Variants in SLC12A1 observed in about 807,000 individuals in gnomAD.
SLC12A1 encodes Na-K-2Cl cotransporter.
A neutral mutation model predicts 130.4 loss-of-function variants in SLC12A1; 89 were observed. The observed-to-expected ratio is 0.68, with a 90% CI of 0.58 to 0.81. The LOEUF (loss-of-function observed/expected upper bound fraction) is 0.81. Ranked by LOEUF, SLC12A1 falls within the 40% of genes least tolerant of loss-of-function variation. The probability of loss-of-function intolerance (pLI) is 0.00; values close to 1 mark genes in which losing one functional copy is unlikely to be tolerated. For synonymous variants in SLC12A1, 499 were observed against 460.0 expected (o/e 1.08, Z -1.09); for missense variants, 1,310 against 1,336.4 (o/e 0.98, Z 0.31).
At chr15:48,281,716 T>C (rs2042009614) in intron 20 of SLC12A1, among the ~76,000 whole-genome samples, 1 of 152,198 alleles carries the variant, frequency 6.6e-6, no homozygotes, top group Non-Finnish European at 1.5e-5. Flanking sequence ...TCAAATGAGA[T>C]ACTATGTAGA....
chr15:48,255,827 C>T lies in SLC12A1; in HGVS notation c.1959C>T (p.Ser653=). 1 of 1,606,450 alleles carries T rather than the reference C, an allele frequency of 6.2e-7. No individual in the cohort carries two copies. The highest frequency in any genetic ancestry group is 2.2e-5 in the East Asian group (1 of 44,758). The stretch of plus-strand genomic sequence containing the variant: ...TATCCACAGATGTGAACTGGGGCTC[C>T]TCCACACAGGCTCTTTCCTACGTGA... The part of the protein sequence containing the change: ...TCKKPDVNWG[S]STQALSYVSA... The change falls in exon 16 of 27, where the codon TCC becomes TCT. Residue 653 remains serine, a synonymous_variant. Transcript: ENST00000380993.
chr15:48,285,475 A>G (rs2042047683), intron 21 of SLC12A1, among the ~76,000 whole-genome samples: 2 of 152,230 alleles, frequency 1.3e-5, no homozygotes, highest in Admixed American at 1.3e-4. Flanking sequence ...TATTTTTTAA[A>G]TGTAATATTT....
chr15:48,242,411 G>A (rs1237479986), intron 10 of SLC12A1, among the ~76,000 whole-genome samples: 1 of 152,160 alleles, frequency 6.6e-6, no homozygotes, highest in Non-Finnish European at 1.5e-5. Context: ...GAAGGTACAT[G>A]TACCTACAGT....
At chr15:48,299,356 C>A (rs1022686982) in intron 25 of SLC12A1, 81 bp downstream of exon 25, 3 of 1,209,456 alleles carry the variant, frequency 2.5e-6, no homozygotes, top group East Asian at 2.9e-5. Context: ...GACAAAGAAG[C>A]AATATATTTA....
chr15:48,224,586 G>T (rs758645909), intron 4 of SLC12A1: 4 of 152,214 alleles, frequency 2.6e-5, no homozygotes, highest in Non-Finnish European at 5.9e-5. Flanking sequence ...ATAAGAGCTT[G>T]TCAGCAAAGC....
chr15:48,215,854 G>A (rs139701010), intron 2 of SLC12A1, among the ~76,000 whole-genome samples: 27 of 152,264 alleles, frequency 1.8e-4, no homozygotes, highest in African/African-American at 6.3e-4. Flanking sequence ...TATTCTTATT[G>A]GCAGTATTCA....
intron 19 of SLC12A1, among the ~76,000 whole-genome samples, chr15:48,274,066 C>T (rs184870451): frequency 2.4e-4 from 36 of 152,272 alleles, no homozygotes; most frequent in South Asian, 1.7e-3. Flanking sequence ...AAAAGCATTG[C>T]TCCAAATGAC....
chr15:48,234,612 C>T (rs564591389), intron 8 of SLC12A1, among the ~76,000 whole-genome samples: 23 of 152,018 alleles, frequency 1.5e-4, no homozygotes, highest in Admixed American at 3.9e-4. Flanking sequence ...GGTGTGGTGG[C>T]GGGCGCCTGT....
Position 48,230,458 on chromosome 15 carries a change from G to C in SLC12A1, c.930G>C (p.Val310=). ...DIRIIGSITV[V]ILLGISVAGM... ...GGATTATAGGCTCCATCACAGTGGT[G>C]ATTCTTCTAGGAATTTCAGTAGCTG... is the stretch of plus-strand genomic sequence containing the variant. Residue 310 remains valine (V), a synonymous_variant, in exon 7 of 27, where the codon GTG becomes GTC. Transcript: ENST00000380993. The C allele has an allele frequency of 6.2e-7, 1 of 1,612,934 alleles. No homozygotes were observed. The highest frequency in any genetic ancestry group is 8.5e-7 in the Non-Finnish European group (1 of 1,179,522).
chr15:48,226,688 T>C (rs2041292619), intron 5 of SLC12A1, 117 bp downstream of exon 5: 2 of 700,706 alleles, frequency 2.9e-6, no homozygotes, highest in Non-Finnish European at 2.5e-6. Context: ...AGCCTGGCTA[T>C]TTGGAGGAGC....
chr15:48,233,399 G>A (rs1316173261), intron 8 of SLC12A1, among the ~76,000 whole-genome samples: 3 of 152,228 alleles, frequency 2.0e-5, no homozygotes, highest in Admixed American at 2.0e-4. Context: ...CCACTGCAGA[G>A]CACTAAAGTC....
At chr15:48,249,499 C>T (rs1189797449) in intron 13 of SLC12A1, 76 bp from the exon 14 acceptor site, 2 of 1,086,726 alleles carry the variant, frequency 1.8e-6, no homozygotes, top group Non-Finnish European at 2.8e-6. Flanking sequence ...TAAATTCAAG[C>T]TTCGAGGCTA....
chr15:48,249,969 T>G (rs953400900), intron 14 of SLC12A1, among the ~76,000 whole-genome samples: 1 of 152,198 alleles, frequency 6.6e-6, no homozygotes, highest in African/African-American at 2.4e-5. Flanking sequence ...ACACCACTAT[T>G]TATTTCCAGG....
rs199877869 is a variant in SLC12A1 at position 48,267,687 on chromosome 15, C to A, written c.2281C>A (p.Arg761=). ...VAADCFRDGV[R]SLLQASGLGR... Reference sequence around the variant, plus strand: ...GGCAGACTGTTTCAGGGATGGTGTCCGAAGTCTTCTTCAGGTAAGGCTGCA... The same window carrying A: ...GGCAGACTGTTTCAGGGATGGTGTCAGAAGTCTTCTTCAGGTAAGGCTGCA... The change falls in exon 18 of 27, where the codon CGA becomes AGA. Residue 761 remains arginine, a synonymous_variant. Coordinates refer to ENST00000380993, the MANE Select transcript of SLC12A1 (RefSeq NM_000338.3). 2.2e-5 allele frequency: 36 copies of A among 1,613,144 alleles called. No individual in the cohort carries two copies. In the East Asian group the frequency reaches 5.8e-4, roughly 26 times the overall value.
chr15:48,264,934 ATTTTTAAAGC>A (rs1389098343), intron 17 of SLC12A1, among the ~76,000 whole-genome samples: 4 of 152,148 alleles, frequency 2.6e-5, no homozygotes, highest in Admixed American at 6.5e-5. Context: ...TATATACAAG[ATTTTTAAAGC>A]TTCTTTGTTT....
At chr15:48,278,051 G>A (rs529258772) in intron 20 of SLC12A1, among the ~76,000 whole-genome samples, 1 of 152,296 alleles carries the variant, frequency 6.6e-6, no homozygotes, top group Admixed American at 6.5e-5. Context: ...TAAATCTCCA[G>A]ATCAGAAATA....
chr15:48,269,221 T>C (rs1006614744), intron 18 of SLC12A1, among the ~76,000 whole-genome samples: 1 of 152,168 alleles, frequency 6.6e-6, no homozygotes, highest in African/African-American at 2.4e-5. Flanking sequence ...ATAACATAAG[T>C]AGAGATTTTA....
In SLC12A1 at chr15:48,279,009, A is replaced by T. The variant is rs192412427; in HGVS notation, c.2485+4356A>T. ...GATGTTTGAAATATTTCTGCTTCTT[A>T]GTCAAGAAAGGGAAAATGCAATTGG... On this transcript the variant is annotated intron_variant, in intron 20 of 26. Coordinates refer to ENST00000380993, the MANE Select transcript of SLC12A1 (RefSeq NM_000338.3). Among the ~76,000 whole-genome samples the T allele has an allele frequency of 2.0e-4, 31 of 152,354 alleles. No homozygotes were observed. The East Asian group carries it at 5.8e-3, about 28-fold the overall frequency.
intron 19 of SLC12A1, among the ~76,000 whole-genome samples, chr15:48,273,113 A>AAC (rs1368107099): frequency 0.026 from 3,962 of 151,508 alleles, 198 homozygotes; most frequent in African/African-American, 0.093. Flanking sequence ...AAAAAAAAAA[A>AAC]AAAAAAACCT....
Sources: allele counts gnomAD v4.1 joint callset (sites outside exome capture counted in the v4.1 genomes callset), GRCh38; gene constraint gnomAD v4.1.1; transcripts MANE v1.5; gene names NCBI Gene and HGNC (gene_info 2026-07-23, HGNC 2026-07-21).